The following PLD5 variants were observed in gnomAD, a reference collection of about 807,000 sequenced individuals.
PLD5 encodes phospholipase D family member 5, also known as inactive phospholipase D5.
In PLD5, 36 loss-of-function variants were observed where a neutral mutation model predicts 61.1. The ratio of observed to expected loss-of-function variants is 0.59; its 90% CI spans 0.45 to 0.78. PLD5 has a LOEUF of 0.78. PLD5 is among the 30% of genes least tolerant of loss of function. The pLI is 0.00. For missense variants in PLD5, 515 were observed against 644.4 expected (o/e 0.80, Z 2.17); for synonymous variants, 243 against 242.8 (o/e 1.00, Z -0.01).
rs5782232 is a variant in PLD5 at position 242,371,867 on chromosome 1, GT to G, written c.190-23626del. Among the ~76,000 whole-genome samples the G allele has an allele frequency of 3.4e-3, 510 of 149,028 alleles. 2 individuals carry two copies. The highest frequency in any genetic ancestry group is 0.011 in the African/African-American group (456 of 40,764). On this transcript the variant is annotated intron_variant, in intron 1 of 9. Coordinates refer to ENST00000536534, the MANE Select transcript of PLD5 (RefSeq NM_001372062.1). ...AGTTTTTTGCCTGCTTTTTTTAAAAGTTTTTTTTTTTAATTATACTTTAAGT... is the reference window on the plus strand; with the variant it reads ...AGTTTTTTGCCTGCTTTTTTTAAAAGTTTTTTTTTTAATTATACTTTAAGT...
chr1:242,488,742 C>A (rs369867074), intron 1 of PLD5, among the ~76,000 whole-genome samples: 2 of 152,070 alleles, frequency 1.3e-5, no homozygotes, highest in African/African-American at 4.8e-5. Flanking sequence ...CTTTAGTTAA[C>A]CATACTGTAT....
At chr1:242,446,811 T>C (rs2102917268) in intron 1 of PLD5, among the ~76,000 whole-genome samples, 1 of 152,258 alleles carries the variant, frequency 6.6e-6, no homozygotes, top group Non-Finnish European at 1.5e-5. Flanking sequence ...GCACTGAAAG[T>C]TTCTGTAACT....
At chr1:242,330,892 G>C (rs937820189) in intron 2 of PLD5, among the ~76,000 whole-genome samples, 12 of 152,146 alleles carry the variant, frequency 7.9e-5, no homozygotes, top group Non-Finnish European at 1.6e-4. Flanking sequence ...TATAAACAAA[G>C]AAAAATTAAG....
At chr1:242,157,958 C>G (rs1358024896) in intron 5 of PLD5, among the ~76,000 whole-genome samples, 1 of 152,174 alleles carries the variant, frequency 6.6e-6, no homozygotes, top group Non-Finnish European at 1.5e-5. Flanking sequence ...GGAGTTTTAT[C>G]TATAAGTTCC....
rs568767464 is a variant in PLD5 at position 242,523,972 on chromosome 1, C to G, written c.189+116G>C. ...CCGAATCCGACCTAGGACGTCGGCG[C>G]CTGCCAGGATCCCCTCGCCTGCCCC... On this transcript the variant is annotated intron_variant, in intron 1 of 9. Transcript: ENST00000536534. 8.6e-4 allele frequency: 1,014 copies of G among 1,174,724 alleles called. 1 individual carries two copies. The highest frequency in any genetic ancestry group is 2.5e-3 in the South Asian group (156 of 62,398). 72.8% of individuals were successfully genotyped at this position (1,174,724 alleles called of 1,614,324 possible). A position where few individuals can be genotyped will look rare whatever the true frequency, so the allele number is the denominator to read the frequency against.
chr1:242,275,693 G>A (rs527317748), intron 3 of PLD5, among the ~76,000 whole-genome samples: 1 of 152,180 alleles, frequency 6.6e-6, no homozygotes, highest in Non-Finnish European at 1.5e-5. Flanking sequence ...GCATAGCATG[G>A]CATCAATAAT....
chr1:242,353,982 T>C (rs569495615), intron 1 of PLD5, among the ~76,000 whole-genome samples: 15 of 152,068 alleles, frequency 9.9e-5, no homozygotes, highest in African/African-American at 1.9e-4. Context: ...ACTAAATTTG[T>C]TGATAAACTC....
intron 5 of PLD5, among the ~76,000 whole-genome samples, chr1:242,129,136 T>C (rs1343649034): frequency 6.6e-6 from 1 of 152,172 alleles, no homozygotes; most frequent in Non-Finnish European, 1.5e-5. Flanking sequence ...CTGGGTACTG[T>C]CTAGATTTTC....
chr1:242,145,429 C>T (rs1016143699), intron 5 of PLD5, among the ~76,000 whole-genome samples: 7 of 151,890 alleles, frequency 4.6e-5, no homozygotes, highest in Admixed American at 2.6e-4. Context: ...CCTAGTATGT[C>T]GTGGATGTTT....
intron 5 of PLD5, among the ~76,000 whole-genome samples, chr1:242,174,707 T>C (rs546668608): frequency 9.2e-5 from 14 of 152,280 alleles, no homozygotes; most frequent in African/African-American, 3.4e-4. Context: ...CACCATGGAA[T>C]ACTATGCAGC....
At chr1:242,495,446 A>G (rs1430513843) in intron 1 of PLD5, among the ~76,000 whole-genome samples, 4 of 152,134 alleles carry the variant, frequency 2.6e-5, no homozygotes. Context: ...CAGTGAAGAC[A>G]CGAGCTGTAA....
At chr1:242,487,746 C>A (rs1005719418) in intron 1 of PLD5, among the ~76,000 whole-genome samples, 1 of 152,060 alleles carries the variant, frequency 6.6e-6, no homozygotes, top group Non-Finnish European at 1.5e-5. Context: ...AGATACCTCA[C>A]TAAAGAAGGT....
chr1:242,115,674 G>A (rs574015771), intron 6 of PLD5, among the ~76,000 whole-genome samples: 22 of 131,136 alleles, frequency 1.7e-4, no homozygotes, highest in African/African-American at 6.1e-4. Context: ...AAAAAATCTT[G>A]GAGTTTTTTT....
At chr1:242,377,098 T>A (rs1416260644) in intron 1 of PLD5, 5 of 1,611,686 alleles carry the variant, frequency 3.1e-6, no homozygotes, top group Non-Finnish European at 4.2e-6. Context: ...TCCTGTTGGT[T>A]ATCTTCCCCA....
intron 1 of PLD5, among the ~76,000 whole-genome samples, chr1:242,427,891 T>A (rs970529459): frequency 1.3e-4 from 20 of 152,190 alleles, no homozygotes; most frequent in Admixed American, 1.0e-3. Context: ...TTCAATGTTC[T>A]TGATAAATAG....
chr1:242,198,068 T>G (rs199574974), intron 5 of PLD5, among the ~76,000 whole-genome samples: 1 of 121,728 alleles, frequency 8.2e-6, no homozygotes. Context: ...AACAAATCCT[T>G]GCTGAATGAA....
intron 1 of PLD5, among the ~76,000 whole-genome samples, chr1:242,377,590 A>C (rs545066017): frequency 6.6e-6 from 1 of 152,262 alleles, no homozygotes; most frequent in African/African-American, 2.4e-5. Context: ...TCCCAGTACA[A>C]CCTCACATAG....
chr1:242,383,789 G>A (rs917797239), intron 1 of PLD5, among the ~76,000 whole-genome samples: 1 of 152,092 alleles, frequency 6.6e-6, no homozygotes, highest in Non-Finnish European at 1.5e-5. Context: ...AAAATCTTTC[G>A]CCTTTCAAAC....
At chr1:242,369,561 A>T (rs1661521639) in intron 1 of PLD5, among the ~76,000 whole-genome samples, 2 of 152,230 alleles carry the variant, frequency 1.3e-5, no homozygotes, top group South Asian at 4.1e-4. Flanking sequence ...ATAAACAAAG[A>T]TTCAATGGAA....
Sources: gnomAD v4.1 joint callset for allele counts (sites outside exome capture counted in the v4.1 genomes callset) on GRCh38, gnomAD v4.1.1 for gene constraint, MANE v1.5 for transcripts, NCBI Gene and HGNC (gene_info 2026-07-23, HGNC 2026-07-21) for gene names.